SLC27A6: variants seen among roughly 807,000 people sequenced by gnomAD.
The protein encoded by SLC27A6 is solute carrier family 27 member 6.
Under a neutral mutation model 63.9 loss-of-function variants are expected in SLC27A6, and 74 were observed. The observed-to-expected ratio is 1.16, with a 90% CI of 0.96 to 1.40. The LOEUF (loss-of-function observed/expected upper bound fraction) is 1.40, where lower values mean the gene tolerates loss of function less well. Ranked by LOEUF, SLC27A6 falls within the 40% of genes most tolerant of loss-of-function variation. SLC27A6 has a pLI of 0.00. For missense variants in SLC27A6, 794 were observed against 732.9 expected (o/e 1.08, Z -0.96); for synonymous variants, 287 against 260.8 (o/e 1.10, Z -0.97).
At chr5:128,996,792 G>T (rs1280128163) in intron 4 of SLC27A6, among the ~76,000 whole-genome samples, 1 of 152,020 alleles carries the variant, frequency 6.6e-6, no homozygotes, top group African/African-American at 2.4e-5. Flanking sequence ...ATTCAGTAGT[G>T]CCAGAGAATA....
chr5:129,032,417 C>T (rs1161224463), intron 9 of SLC27A6, among the ~76,000 whole-genome samples: 3 of 152,014 alleles, frequency 2.0e-5, no homozygotes, highest in African/African-American at 7.2e-5. Context: ...TGATTTTTGG[C>T]TGTACTTGCT....
intron 4 of SLC27A6, among the ~76,000 whole-genome samples, chr5:129,003,231 G>A (rs1211063731): frequency 6.6e-6 from 1 of 152,138 alleles, no homozygotes; most frequent in African/African-American, 2.4e-5. Context: ...CTGTGAATTT[G>A]TCTAAGTTTT....
intron 9 of SLC27A6, among the ~76,000 whole-genome samples, chr5:129,032,067 C>T (rs1401328456): frequency 6.6e-6 from 1 of 151,972 alleles, no homozygotes; most frequent in African/African-American, 2.4e-5. Context: ...CTGAAATTCC[C>T]ACAAAGGGAT....
Position 129,033,368 on chromosome 5 carries a change from C to A in SLC27A6, c.*86C>A. The A allele has an allele frequency of 4.1e-6, 3 of 734,488 alleles. No individual in the cohort carries two copies. The highest frequency in any genetic ancestry group is 2.5e-5 in the South Asian group (1 of 40,206). The allele number at this position is 734,488 out of a possible 1,614,324, so 45.5% of individuals were successfully genotyped here. Reference sequence around the variant, plus strand: ...TTCTTTATGAAATGGGGAAAGGGAGCTAACATTAATTATGCATGTACTATA... The same window carrying A: ...TTCTTTATGAAATGGGGAAAGGGAGATAACATTAATTATGCATGTACTATA... On this transcript the variant is annotated 3_prime_UTR_variant, in exon 10 of 10. Transcript: ENST00000262462.
chr5:128,982,438 A>G (rs778146360), intron 1 of SLC27A6, among the ~76,000 whole-genome samples: 4 of 152,188 alleles, frequency 2.6e-5, no homozygotes, highest in Non-Finnish European at 4.4e-5. Context: ...CTAGAATTCC[A>G]ACAAAGATTT....
At chr5:129,024,730 G>T (rs1325051700) in intron 6 of SLC27A6, among the ~76,000 whole-genome samples, 3 of 152,172 alleles carry the variant, frequency 2.0e-5, no homozygotes, top group African/African-American at 7.2e-5. Flanking sequence ...TAGAGATCCA[G>T]TATGGATAAA....
chr5:129,012,520 AT>A (rs368632374), intron 4 of SLC27A6, among the ~76,000 whole-genome samples: 15 of 152,078 alleles, frequency 9.9e-5, no homozygotes, highest in African/African-American at 3.4e-4. Flanking sequence ...TGTTCTTATG[AT>A]TTTTTTCCCG....
chr5:129,028,031 C>T (rs1752299813), intron 7 of SLC27A6, among the ~76,000 whole-genome samples: 1 of 151,974 alleles, frequency 6.6e-6, no homozygotes, highest in Non-Finnish European at 1.5e-5. Flanking sequence ...ATGTTTCACA[C>T]TTCATTGTTA....
At chr5:128,970,042 T>C (rs1419404003) in intron 1 of SLC27A6, among the ~76,000 whole-genome samples, 1 of 151,768 alleles carries the variant, frequency 6.6e-6, no homozygotes, top group Non-Finnish European at 1.5e-5. Flanking sequence ...TTGTCTTTGG[T>C]TCTGTTTATA....
intron 6 of SLC27A6, among the ~76,000 whole-genome samples, chr5:129,025,581 A>G (rs1203751189): frequency 6.6e-6 from 1 of 152,106 alleles, no homozygotes; most frequent in Non-Finnish European, 1.5e-5. Context: ...TTGTGATGAG[A>G]ATTAAATGGA....
At chr5:129,025,679 T>C (rs1318053798) in intron 6 of SLC27A6, among the ~76,000 whole-genome samples, 1 of 152,040 alleles carries the variant, frequency 6.6e-6, no homozygotes, top group Non-Finnish European at 1.5e-5. Flanking sequence ...GTGATGATGA[T>C]GATATGATGG....
chr5:129,006,223 C>T (rs951574240), intron 4 of SLC27A6, among the ~76,000 whole-genome samples: 4 of 151,396 alleles, frequency 2.6e-5, no homozygotes, highest in Non-Finnish European at 4.4e-5. Flanking sequence ...GCACTACAGG[C>T]GCCAGCCGCC....
At chr5:128,967,417 A>G (rs1749947467) in intron 1 of SLC27A6, among the ~76,000 whole-genome samples, 1 of 152,226 alleles carries the variant, frequency 6.6e-6, no homozygotes, top group Non-Finnish European at 1.5e-5. Flanking sequence ...GTTTATGCAG[A>G]GTCTTCTTCA....
Position 129,007,442 on chromosome 5 carries a change from TA to T in SLC27A6, c.970-8420del, listed in dbSNP as rs569920098. 8.9e-3 allele frequency among the ~76,000 whole-genome samples: 924 copies of T among 104,262 alleles called. 32 individuals are homozygous for T. The highest frequency in any genetic ancestry group is 0.058 in the Admixed American group (560 of 9,576). 68.4% of individuals were successfully genotyped at this position (104,262 alleles called of 152,430 possible). On this transcript the variant is annotated intron_variant, in intron 4 of 9. Coordinates refer to ENST00000262462, the MANE Select transcript of SLC27A6 (RefSeq NM_001017372.3). ...TGGGCGACAGAGCGAGACTCAGTCT[TA>T]AAAAAAAAAAAAAAAAAAAAAATAT...
intron 1 of SLC27A6, among the ~76,000 whole-genome samples, chr5:128,983,555 A>G (rs1750687650): frequency 6.6e-6 from 1 of 152,098 alleles, no homozygotes; most frequent in African/African-American, 2.4e-5. Flanking sequence ...TCGGCCTCCC[A>G]AAGTGCTGGA....
At chr5:129,031,034 A>G (rs1421952598) in intron 9 of SLC27A6, among the ~76,000 whole-genome samples, 2 of 152,016 alleles carry the variant, frequency 1.3e-5, no homozygotes, top group Non-Finnish European at 2.9e-5. Context: ...AGGACAAATA[A>G]TATTTTAAGA....
At chr5:128,967,897 G>T (rs1377519623) in intron 1 of SLC27A6, among the ~76,000 whole-genome samples, 1 of 151,998 alleles carries the variant, frequency 6.6e-6, no homozygotes, top group African/African-American at 2.4e-5. Context: ...TCCTCCTAAT[G>T]CTATCCCTCC....
At chr5:129,033,018 A>C (rs1752458981) in intron 9 of SLC27A6, 88 bp from the exon 10 acceptor site, 2 of 714,992 alleles carry the variant, frequency 2.8e-6, no homozygotes, top group Non-Finnish European at 4.2e-6. Flanking sequence ...AAGTGTCATA[A>C]TTTAATATTA....
rs11415836 is a variant in SLC27A6, at chr5:128,989,923, CA to C, written c.845-400del. Among the ~76,000 whole-genome samples, 180 of 96,428 alleles carry C rather than the reference CA, an allele frequency of 1.9e-3. 1 individual carries two copies. Among genetic ancestry groups the C allele is most frequent in the Middle Eastern group, 6.2e-3 (1 of 162 alleles). 63.3% of individuals were successfully genotyped at this position (96,428 alleles called of 152,430 possible). On this transcript the variant is annotated intron_variant, in intron 3 of 9. Transcript: ENST00000262462. ...TGGATGACAGGGTGAGACTCCGTCT[CA>C]AAAAAAAAAAAAAAAAGATATGTTG...
Sources: allele counts gnomAD v4.1 joint callset (sites outside exome capture counted in the v4.1 genomes callset), GRCh38; gene constraint gnomAD v4.1.1; transcripts MANE v1.5; gene names NCBI Gene and HGNC (gene_info 2026-07-23, HGNC 2026-07-21).